Variants in SSH2 observed in about 807,000 individuals in gnomAD.
The protein encoded by SSH2 is protein phosphatase Slingshot homolog 2.
Under a neutral mutation model 135.2 loss-of-function variants are expected in SSH2, and 37 were observed. The observed-to-expected ratio is 0.27, with a 90% confidence interval of 0.21 to 0.36. The LOEUF is 0.36. Ranked by LOEUF, SSH2 falls within the 10% of genes least tolerant of loss-of-function variation. SSH2 has a pLI of 1.00. For synonymous variants in SSH2, 628 were observed against 646.2 expected (o/e 0.97, Z 0.43); for missense variants, 1,408 against 1,765.3 (o/e 0.80, Z 3.63).
intron 6 of SSH2, among the ~76,000 whole-genome samples, chr17:29,680,719 TAGATG>T (rs1259321248): frequency 2.0e-5 from 3 of 151,664 alleles, no homozygotes; most frequent in African/African-American, 7.3e-5. Flanking sequence ...TTTTGTTGAG[TAGATG>T]AGATGAGCGC....
At chr17:29,770,092 GTTTTTTTTTT>G (rs563803251) in intron 3 of SSH2, among the ~76,000 whole-genome samples, 5 of 72,930 alleles carry the variant, frequency 6.9e-5, no homozygotes, top group Non-Finnish European at 1.2e-4. Flanking sequence ...GCTATATTTA[GTTTTTTTTTT>G]TTTTTTTTTT....
rs1419751314 is a variant in SSH2, at chr17:29,632,903, A to G, written c.2291T>C (p.Ile764Thr). The G allele has an allele frequency of 1.2e-6, 2 of 1,612,862 alleles. No individual in the cohort carries two copies. The highest frequency in any genetic ancestry group is 1.7e-6 in the Non-Finnish European group (2 of 1,179,140). Reference sequence around the variant, plus strand: ...ATTTTCCGAGTGAGACTGCATGAAGATGTCTGGGCTGACCAGTTCTGAAAT... The same window carrying G: ...ATTTTCCGAGTGAGACTGCATGAAGGTGTCTGGGCTGACCAGTTCTGAAAT... ...KAISELVSPDIFMQSHSENAI... is the reference protein window; with the variant it reads ...KAISELVSPDTFMQSHSENAI... Residue 764 changes from isoleucine (I) to threonine (T), a missense_variant, in exon 16 of 16, where the codon ATC becomes ACC. By Grantham distance (89) the Ile-to-Thr change is moderately conservative. This residue lies in a region of SSH2 where 1,080 missense variants were observed against 1,144.5 expected (regional missense o/e 0.94). Transcript: ENST00000540801.
intron 2 of SSH2, among the ~76,000 whole-genome samples, chr17:29,832,959 G>C (rs946110078): frequency 1.3e-5 from 2 of 152,180 alleles, no homozygotes; most frequent in African/African-American, 4.8e-5. Flanking sequence ...AAGCCACAGA[G>C]CCCAGCCATT....
At chr17:29,869,276 GTAA>G (rs2151419630) in intron 1 of SSH2, among the ~76,000 whole-genome samples, 1 of 152,344 alleles carries the variant, frequency 6.6e-6, no homozygotes, top group East Asian at 1.9e-4. Flanking sequence ...GAGGATCTTA[GTAA>G]TCTAGGGACT....
chr17:29,777,828 G>A (rs919666305), intron 3 of SSH2: 5 of 148,248 alleles, frequency 3.4e-5, no homozygotes, highest in Middle Eastern at 3.6e-3. Flanking sequence ...TGATCTGGAC[G>A]GTCTTTGAGA....
At position 29,629,100 on chromosome 17, in the gene SSH2, A is replaced by G. The variant is rs948992291; in HGVS notation, c.*1741T>C. 2 of 152,262 alleles carry G rather than the reference A, an allele frequency of 1.3e-5. No individual in the cohort carries two copies. The highest frequency in any genetic ancestry group is 2.9e-5 in the Non-Finnish European group (2 of 68,046). 9.4% of individuals were successfully genotyped at this position (152,262 alleles called of 1,614,324 possible). ...AAATCTGCAAGCCTCTTCAGTTTCA[A>G]TGAGATGCAGAGGTGTTTCATGCTA... On this transcript the variant is annotated 3_prime_UTR_variant, in exon 16 of 16. Transcript: ENST00000540801.
chr17:29,791,754 A>C (rs542492929), intron 3 of SSH2, among the ~76,000 whole-genome samples: 1 of 152,278 alleles, frequency 6.6e-6, no homozygotes, highest in African/African-American at 2.4e-5. Context: ...ACAGATTAGC[A>C]AATTTTGATT....
At chr17:29,642,043 A>G (rs1441201730) in intron 14 of SSH2, among the ~76,000 whole-genome samples, 1 of 152,104 alleles carries the variant, frequency 6.6e-6, no homozygotes, top group African/African-American at 2.4e-5. Flanking sequence ...AGGAAGAGAA[A>G]AAGCATTATC....
intron 2 of SSH2, among the ~76,000 whole-genome samples, chr17:29,795,549 C>A (rs1182590426): frequency 6.6e-6 from 1 of 151,872 alleles, no homozygotes; most frequent in East Asian, 1.9e-4. Context: ...TCTCTAGAAT[C>A]AATAATCAGA....
intron 3 of SSH2, among the ~76,000 whole-genome samples, chr17:29,726,635 A>G (rs2151179156): frequency 1.3e-5 from 2 of 152,318 alleles, no homozygotes; most frequent in Middle Eastern, 6.8e-3. Flanking sequence ...GTACAATGGT[A>G]AATTTACTCC....
At chr17:29,746,441 G>C (rs568686301) in intron 3 of SSH2, among the ~76,000 whole-genome samples, 1 of 150,502 alleles carries the variant, frequency 6.6e-6, no homozygotes, top group Non-Finnish European at 1.5e-5. Flanking sequence ...CCAGCTACTA[G>C]GGAGGCTGAG....
At chr17:29,643,504 C>T (rs3098948) in intron 14 of SSH2, among the ~76,000 whole-genome samples, 69,269 of 151,364 alleles carry the variant, frequency 0.46, 16,558 homozygotes, top group East Asian at 0.68. Context: ...CTCCACCTCC[C>T]GGCTTCATGC....
chr17:29,718,101 T>C (rs984214858), intron 3 of SSH2, among the ~76,000 whole-genome samples: 2 of 152,212 alleles, frequency 1.3e-5, no homozygotes, highest in Non-Finnish European at 2.9e-5. Flanking sequence ...TTCTTTTGCC[T>C]GTAAAATCCA....
intron 1 of SSH2, 85 bp from the exon 2 acceptor site, chr17:29,849,014 CAGT>C: frequency 1.2e-6 from 1 of 848,646 alleles, no homozygotes; most frequent in Non-Finnish European, 1.9e-6. Flanking sequence ...ATCACTGAGT[CAGT>C]GGTGTTAGCT....
chr17:29,664,019 A>C (rs965726802), intron 11 of SSH2, among the ~76,000 whole-genome samples: 30 of 152,260 alleles, frequency 2.0e-4, no homozygotes, highest in African/African-American at 7.0e-4. Flanking sequence ...TCTTTAAAAA[A>C]ATAAAGACAA....
At chr17:29,882,689 T>G (rs1208529416) in intron 1 of SSH2, among the ~76,000 whole-genome samples, 1 of 151,786 alleles carries the variant, frequency 6.6e-6, no homozygotes, top group Non-Finnish European at 1.5e-5. Context: ...GGGGTGGAGG[T>G]TGCAGTGAGC....
intron 3 of SSH2, among the ~76,000 whole-genome samples, chr17:29,764,009 G>T (rs944038418): frequency 6.6e-6 from 1 of 151,098 alleles, no homozygotes; most frequent in Admixed American, 6.6e-5. Context: ...GAGTGCAATG[G>T]CGCGATCTCA....
intron 1 of SSH2, among the ~76,000 whole-genome samples, chr17:29,873,993 T>C (rs1237211586): frequency 6.6e-6 from 1 of 152,018 alleles, no homozygotes; most frequent in Non-Finnish European, 1.5e-5. Flanking sequence ...AAAGATATTT[T>C]ATTAAAGGGG....
intron 1 of SSH2, among the ~76,000 whole-genome samples, chr17:29,916,066 C>T (rs1384146779): frequency 1.4e-5 from 2 of 142,944 alleles, no homozygotes; most frequent in Non-Finnish European, 3.0e-5. Flanking sequence ...ATTTAAAAAG[C>T]GATAAAGAGA....
Sources: allele counts gnomAD v4.1 joint callset (sites outside exome capture counted in the v4.1 genomes callset), GRCh38; gene constraint gnomAD v4.1.1; regional missense constraint gnomAD v4.1.1; transcripts MANE v1.5; gene names NCBI Gene and HGNC (gene_info 2026-07-23, HGNC 2026-07-21).